ROBO2: variants seen among roughly 807,000 people sequenced by gnomAD.
ROBO2 encodes roundabout homolog 2.
ROBO2 carries 53 observed loss-of-function variants against 160.8 expected under a neutral mutation model. That is an observed-to-expected ratio of 0.33 (90% CI 0.26 to 0.41). ROBO2 has a LOEUF of 0.41. Among genes scored for constraint, ROBO2 ranks in the 10% least tolerant of loss-of-function variants. The pLI, the probability that ROBO2 is intolerant of heterozygous loss-of-function variation, is 1.00. For synonymous variants in ROBO2, 664 were observed against 611.7 expected (o/e 1.09, Z -1.26); for missense variants, 1,577 against 1,722.4 (o/e 0.92, Z 1.49).
intron 6 of ROBO2, among the ~76,000 whole-genome samples, chr3:77,535,506 A>T (rs1175731606): frequency 2.0e-5 from 3 of 152,154 alleles, no homozygotes; most frequent in African/African-American, 7.2e-5. Flanking sequence ...TCACCACTTT[A>T]AACTAGTCTT....
At chr3:77,258,788 C>T (rs2058591583) in intron 2 of ROBO2, among the ~76,000 whole-genome samples, 1 of 152,202 alleles carries the variant, frequency 6.6e-6, no homozygotes, top group African/African-American at 2.4e-5. Context: ...TATCTCTTCT[C>T]AACTTCCAAA....
intron 16 of ROBO2, 92 bp from the exon 18 acceptor site, chr3:77,588,659 A>C: frequency 2.5e-6 from 3 of 1,213,526 alleles, no homozygotes; most frequent in Non-Finnish European, 3.5e-6. Context: ...TCCTGCCTTC[A>C]AATAATTTTT....
chr3:76,595,419 T>C (rs1417804589), intron 2 of ROBO2, among the ~76,000 whole-genome samples: 1 of 152,062 alleles, frequency 6.6e-6, no homozygotes, highest in Non-Finnish European at 1.5e-5. Flanking sequence ...CACAAAAATA[T>C]ATTTGAGTTT....
intron 12 of ROBO2, among the ~76,000 whole-genome samples, chr3:77,567,144 C>T (rs751669602): frequency 1.3e-5 from 2 of 151,050 alleles, no homozygotes; most frequent in African/African-American, 2.4e-5. Context: ...CAATTATTTA[C>T]GACCCAATTT....
intron 2 of ROBO2, among the ~76,000 whole-genome samples, chr3:76,402,608 C>T (rs1559889266): frequency 6.6e-6 from 1 of 151,458 alleles, no homozygotes; most frequent in African/African-American, 2.4e-5. Flanking sequence ...AGGAAGAACC[C>T]GTTTCCTACT....
intron 2 of ROBO2, among the ~76,000 whole-genome samples, chr3:76,843,454 G>T (rs2068487075): frequency 6.6e-6 from 1 of 151,882 alleles, no homozygotes; most frequent in Non-Finnish European, 1.5e-5. Context: ...ATAGGGCACT[G>T]GTCTGTGTGG....
chr3:76,628,416 T>C lies in ROBO2; in HGVS notation c.110-469598T>C, dbSNP rs2089808903. On this transcript the variant is annotated intron_variant, in intron 2 of 26. Transcript: ENST00000487694. ...AGTAGCTGGGACTACAGTCACTCGCTATCCACTAATTTTTAGGTTTTTTTT... is the reference window on the plus strand; with the variant it reads ...AGTAGCTGGGACTACAGTCACTCGCCATCCACTAATTTTTAGGTTTTTTTT... 2.0e-5 allele frequency among the ~76,000 whole-genome samples: 3 copies of C among 147,168 alleles called. No individual in the cohort carries two copies. The Admixed American group carries it at 2.1e-4, about 10-fold the overall frequency.
intron 2 of ROBO2, among the ~76,000 whole-genome samples, chr3:77,373,151 T>TA (rs1161929992): frequency 6.8e-6 from 1 of 147,196 alleles, no homozygotes; most frequent in Non-Finnish European, 1.5e-5. Context: ...AAAATTATTA[T>TA]AAAATTATTA....
At chr3:77,187,549 A>G (rs1287498134) in intron 2 of ROBO2, among the ~76,000 whole-genome samples, 2 of 151,918 alleles carry the variant, frequency 1.3e-5, no homozygotes, top group African/African-American at 4.8e-5. Context: ...GACTTGTTGC[A>G]CTTATAAAAT....
chr3:75,915,750 G>T (rs1946786011), intron 1 of ROBO2, among the ~76,000 whole-genome samples: 1 of 152,020 alleles, frequency 6.6e-6, no homozygotes, highest in African/African-American at 2.4e-5. Context: ...AGTGGGTGAT[G>T]TTGCTGAAGA....
intron 2 of ROBO2, among the ~76,000 whole-genome samples, chr3:77,126,782 C>CT (rs11365042): frequency 0.03 from 1,891 of 62,598 alleles, 89 homozygotes; most frequent in East Asian, 0.093. Context: ...TTTGAAACTT[C>CT]TTTTTTTTTT....
At position 76,756,309 on chromosome 3, in the gene ROBO2, C is replaced by A. The variant is rs1362886862; in HGVS notation, c.110-341705C>A. ...TTAATAAACCATTGTAGAATATTTGCAAAATATTTTTACAGGAGGTGAAAT... is the reference window on the plus strand; with the variant it reads ...TTAATAAACCATTGTAGAATATTTGAAAAATATTTTTACAGGAGGTGAAAT... On this transcript the variant is annotated intron_variant, in intron 2 of 26. Transcript: ENST00000487694. Among the ~76,000 whole-genome samples the A allele has an allele frequency of 2.6e-5, 4 of 151,720 alleles. No individual in the cohort carries two copies. In the East Asian group the frequency reaches 7.8e-4, roughly 30 times the overall value.
chr3:77,536,152 C>T (rs1281509505), intron 6 of ROBO2, among the ~76,000 whole-genome samples: 2 of 152,144 alleles, frequency 1.3e-5, no homozygotes, highest in South Asian at 2.1e-4. Context: ...CATAGTCGAA[C>T]TATATTACTT....
At chr3:77,452,192 G>A (rs2081189648) in intron 2 of ROBO2, among the ~76,000 whole-genome samples, 1 of 152,042 alleles carries the variant, frequency 6.6e-6, no homozygotes, top group Non-Finnish European at 1.5e-5. Context: ...GCAAAATAAT[G>A]TAAAAATGAT....
At chr3:77,573,013 T>G (rs2153669600) in intron 13 of ROBO2, among the ~76,000 whole-genome samples, 1 of 152,150 alleles carries the variant, frequency 6.6e-6, no homozygotes, top group Non-Finnish European at 1.5e-5. Flanking sequence ...ATTCTCTTTT[T>G]TATTTCCTCT....
intron 2 of ROBO2, among the ~76,000 whole-genome samples, chr3:76,197,224 C>T (rs929650874): frequency 6.8e-6 from 1 of 148,130 alleles, no homozygotes; most frequent in African/African-American, 2.6e-5. Context: ...GACTGCCTTT[C>T]TCCTTTTGGG....
intron 1 of ROBO2, among the ~76,000 whole-genome samples, chr3:77,071,508 A>G (rs2067409153): frequency 6.6e-6 from 1 of 152,220 alleles, no homozygotes; most frequent in African/African-American, 2.4e-5. Context: ...TCATAAATGA[A>G]AAATGAAGTG....
intron 2 of ROBO2, among the ~76,000 whole-genome samples, chr3:76,473,813 A>G (rs1389002475): frequency 6.6e-6 from 1 of 152,180 alleles, no homozygotes; most frequent in Non-Finnish European, 1.5e-5. Context: ...AGGTGGCAAG[A>G]GAGAGCTATG....
chr3:77,139,453 T>A (rs2076534176), intron 2 of ROBO2, among the ~76,000 whole-genome samples: 1 of 152,210 alleles, frequency 6.6e-6, no homozygotes, highest in Non-Finnish European at 1.5e-5. Flanking sequence ...GGTGTATTAA[T>A]ACTAAGCAGC....
Sources: gnomAD v4.1 joint callset for allele counts (sites outside exome capture counted in the v4.1 genomes callset) on GRCh38, gnomAD v4.1.1 for gene constraint, MANE v1.5 for transcripts, NCBI Gene and HGNC (gene_info 2026-07-23, HGNC 2026-07-21) for gene names.